The following ADK variants were observed in gnomAD, a reference collection of about 807,000 sequenced individuals.
The protein encoded by ADK is N6,N6-dimethyladenosine kinase.
In ADK, 24 loss-of-function variants were observed where a neutral mutation model predicts 44.7. The ratio of observed to expected loss-of-function variants is 0.54; its 90% CI spans 0.39 to 0.76. The LOEUF is 0.76. Ranked by LOEUF, ADK falls within the 30% of genes least tolerant of loss-of-function variation. The probability of loss-of-function intolerance (pLI) is 0.00; values close to 1 mark genes in which losing one functional copy is unlikely to be tolerated. For missense variants in ADK, 321 were observed against 425.1 expected, an observed-to-expected ratio of 0.76 and a Z score of 2.15; for synonymous variants, 128 against 142.6, an observed-to-expected ratio of 0.90 and a Z score of 0.73.
chr10:74,210,242 T>G (rs1232925978), intron 2 of ADK, among the ~76,000 whole-genome samples: 4 of 144,478 alleles, frequency 2.8e-5, no homozygotes, highest in African/African-American at 5.2e-5. Context: ...GGCAGGAGAA[T>G]CGCTTGAACC....
chr10:74,682,579 T>TC (rs201875694), intron 10 of ADK, among the ~76,000 whole-genome samples: 37 of 145,082 alleles, frequency 2.6e-4, no homozygotes, highest in South Asian at 1.3e-3. Flanking sequence ...TCTTTTCTTT[T>TC]TTTTTTTTTT....
intron 4 of ADK, among the ~76,000 whole-genome samples, chr10:74,382,733 T>G (rs1182240456): frequency 2.0e-5 from 3 of 152,186 alleles, no homozygotes; most frequent in African/African-American, 7.2e-5. Context: ...GTTTCTTGTT[T>G]AATTTGATGA....
Position 74,374,422 on chromosome 10 carries a change from C to A in ADK, c.274-19719C>A, listed in dbSNP as rs371602619. On this transcript the variant is annotated intron_variant, in intron 4 of 10. Transcript: ENST00000539909. The stretch of plus-strand genomic sequence containing the variant: ...CAGAGTTTTTGTTCCTTAAATTATG[C>A]ATATCTTACAAATGTAAAATGTCTT... 2.3e-4 allele frequency among the ~76,000 whole-genome samples: 35 copies of A among 152,212 alleles called. 1 individual carries two copies. The highest frequency in any genetic ancestry group is 6.8e-3 in the Middle Eastern group (2 of 294).
At chr10:74,285,898 C>G (rs1847144377) in intron 3 of ADK, among the ~76,000 whole-genome samples, 1 of 152,054 alleles carries the variant, frequency 6.6e-6, no homozygotes, top group Non-Finnish European at 1.5e-5. Context: ...TTTTAATTTA[C>G]TGTACTGTAC....
At chr10:74,295,586 T>C (rs1276210381) in intron 3 of ADK, among the ~76,000 whole-genome samples, 1 of 152,194 alleles carries the variant, frequency 6.6e-6, no homozygotes, top group African/African-American at 2.4e-5. Context: ...GATGAACCGA[T>C]GTTCTTCATT....
intron 1 of ADK, among the ~76,000 whole-genome samples, chr10:74,171,311 A>G (rs1277801089): frequency 6.6e-6 from 1 of 152,346 alleles, no homozygotes; most frequent in South Asian, 2.1e-4. Flanking sequence ...AAAATTCTTT[A>G]TAGTAGAAAT....
chr10:74,526,342 T>G (rs989732309), intron 7 of ADK, among the ~76,000 whole-genome samples: 1 of 152,346 alleles, frequency 6.6e-6, no homozygotes, highest in East Asian at 1.9e-4. Flanking sequence ...TTATTTACTT[T>G]GATTGCTTGT....
chr10:74,628,787 G>T (rs139550527), intron 9 of ADK, among the ~76,000 whole-genome samples: 2 of 152,218 alleles, frequency 1.3e-5, no homozygotes, highest in East Asian at 3.9e-4. Flanking sequence ...CTTCTAAGAA[G>T]AAAGGTTGTC....
intron 4 of ADK, among the ~76,000 whole-genome samples, chr10:74,353,709 A>T (rs1842043432): frequency 6.6e-6 from 1 of 152,104 alleles, no homozygotes; most frequent in South Asian, 2.1e-4. Flanking sequence ...TCTACTAAAA[A>T]TACAAAAAAT....
intron 1 of ADK, among the ~76,000 whole-genome samples, chr10:74,197,425 G>A (rs191347344): frequency 5.3e-5 from 8 of 152,284 alleles, no homozygotes; most frequent in East Asian, 1.9e-4. Context: ...TGGGCTGGGC[G>A]TGGTAGCTCA....
intron 4 of ADK, among the ~76,000 whole-genome samples, chr10:74,375,192 A>C (rs1842780642): frequency 6.6e-6 from 1 of 152,180 alleles, no homozygotes; most frequent in South Asian, 2.1e-4. Context: ...ATCCTATAAA[A>C]ACTTAATTAC....
intron 7 of ADK, among the ~76,000 whole-genome samples, chr10:74,578,216 A>T (rs1312550479): frequency 6.6e-6 from 1 of 152,174 alleles, no homozygotes; most frequent in African/African-American, 2.4e-5. Context: ...TCTTCTTTTC[A>T]TCTAATTTTA....
chr10:74,416,099 A>G (rs566478498), intron 6 of ADK, among the ~76,000 whole-genome samples: 2 of 151,656 alleles, frequency 1.3e-5, no homozygotes, highest in African/African-American at 2.4e-5. Flanking sequence ...GAGGGTCATG[A>G]GGGTCAGTTT....
chr10:74,207,507 G>C lies in ADK; in HGVS notation c.140+6669G>C, dbSNP rs879478475. 2.4e-4 allele frequency among the ~76,000 whole-genome samples: 37 copies of C among 152,318 alleles called. No homozygotes were observed. In the Middle Eastern group the frequency reaches 0.01, roughly 42 times the overall value. ...AGGAGCTTCATTGAGCAACAGAACAGCTCTCAGGAGACCCGAAGTGGGTAG... is the reference window on the plus strand; with the variant it reads ...AGGAGCTTCATTGAGCAACAGAACACCTCTCAGGAGACCCGAAGTGGGTAG... On this transcript the variant is annotated intron_variant, in intron 2 of 10. Transcript: ENST00000539909.
rs1370473883 is a variant in ADK at position 74,315,631 on chromosome 10, CT to C, written c.273+892del. Among the ~76,000 whole-genome samples the C allele has an allele frequency of 1.3e-5, 2 of 152,034 alleles. 1 individual carries two copies. Among genetic ancestry groups the C allele is most frequent in the South Asian group, 4.1e-4 (2 of 4,826 alleles). ...TTCTGCCTACACTAGATTTCTTTTT[CT>C]TTTTTATTGATTAATGCTTTCCCCT... On this transcript the variant is annotated intron_variant, in intron 4 of 10. Coordinates refer to ENST00000539909, the MANE Select transcript of ADK (RefSeq NM_006721.4).
chr10:74,318,808 T>A (rs1439924487), intron 4 of ADK, among the ~76,000 whole-genome samples: 1 of 152,240 alleles, frequency 6.6e-6, no homozygotes, highest in Admixed American at 6.5e-5. Context: ...TAGATGGATA[T>A]TTTTATAGAA....
chr10:74,326,650 G>A (rs1337798827), intron 4 of ADK, among the ~76,000 whole-genome samples: 4 of 151,996 alleles, frequency 2.6e-5, no homozygotes, highest in Non-Finnish European at 4.4e-5. Flanking sequence ...AAATACAGCA[G>A]TGAAGCCATC....
chr10:74,320,509 A>T (rs569778973), intron 4 of ADK, among the ~76,000 whole-genome samples: 2 of 152,146 alleles, frequency 1.3e-5, no homozygotes, highest in South Asian at 4.1e-4. Flanking sequence ...GGATGTGTAG[A>T]TTCATTCATT....
At chr10:74,597,096 T>C (rs1851952297) in intron 8 of ADK, among the ~76,000 whole-genome samples, 1 of 152,188 alleles carries the variant, frequency 6.6e-6, no homozygotes, top group Non-Finnish European at 1.5e-5. Context: ...TTTCTAGCGA[T>C]TTTGGGGCAA....
Sources: gnomAD v4.1 joint callset for allele counts (sites outside exome capture counted in the v4.1 genomes callset) on GRCh38, gnomAD v4.1.1 for gene constraint, MANE v1.5 for transcripts, NCBI Gene and HGNC (gene_info 2026-07-23, HGNC 2026-07-21) for gene names.